The following SLC35F2 variants were observed in gnomAD, a reference collection of about 807,000 sequenced individuals.
SLC35F2 encodes queuine/queuosine transporter SLC35F2.
A neutral mutation model predicts 38.1 loss-of-function variants in SLC35F2; 25 were observed. The ratio of observed to expected loss-of-function variants is 0.66; its 90% CI spans 0.48 to 0.92. The LOEUF is 0.92. SLC35F2 is among the 40% of genes least tolerant of loss of function. The pLI is 0.00. For synonymous variants in SLC35F2, 173 were observed against 181.7 expected, an observed-to-expected ratio of 0.95 and a Z score of 0.38; for missense variants, 409 against 452.9, an observed-to-expected ratio of 0.90 and a Z score of 0.88.
chr11:107,848,882 G>T (rs1484578043), intron 1 of SLC35F2, among the ~76,000 whole-genome samples: 3 of 152,194 alleles, frequency 2.0e-5, no homozygotes, highest in Admixed American at 2.0e-4. Flanking sequence ...AACCACTAGG[G>T]TAGGTGATGG....
rs34376803 is a variant in SLC35F2 at position 107,833,518 on chromosome 11, C to CAAAA, written c.111-17557_111-17554dup. On this transcript the variant is annotated intron_variant, in intron 1 of 7. Transcript: ENST00000525815. The stretch of plus-strand genomic sequence containing the variant: ...TGGGCATCAGAGTGAGACTCTGTCT[C>CAAAA]AAAAAAAAAAAAAAAAAAAGGAGAG... Among the ~76,000 whole-genome samples, 244 of 89,528 alleles carry CAAAA rather than the reference C, an allele frequency of 2.7e-3. 3 individuals are homozygous for CAAAA. Among genetic ancestry groups the CAAAA allele is most frequent in the African/African-American group, 0.011 (226 of 20,562 alleles). The allele number at this position is 89,528 out of a possible 152,430, so 58.7% of individuals were successfully genotyped here. A position where few individuals can be genotyped will look rare whatever the true frequency, so the allele number is the denominator to read the frequency against.
chr11:107,809,329 C>CAAAAAAAAA (rs61511493), intron 3 of SLC35F2, among the ~76,000 whole-genome samples: 80 of 96,018 alleles, frequency 8.3e-4, no homozygotes, highest in Non-Finnish European at 1.2e-3. Context: ...ACTCAAAATA[C>CAAAAAAAAA]AAAAAAAAAA....
intron 1 of SLC35F2, among the ~76,000 whole-genome samples, chr11:107,849,305 C>A (rs370634909): frequency 6.6e-6 from 1 of 152,080 alleles, no homozygotes; most frequent in East Asian, 1.9e-4. Context: ...TTACAACAGT[C>A]TAAGTGAGAG....
At chr11:107,844,233 A>G (rs1470140785) in intron 1 of SLC35F2, among the ~76,000 whole-genome samples, 2 of 152,092 alleles carry the variant, frequency 1.3e-5, no homozygotes, top group African/African-American at 2.4e-5. Context: ...CTACTGTGTG[A>G]CTAACACTGT....
At chr11:107,809,513 T>A in intron 3 of SLC35F2, 1 of 168,562 alleles carries the variant, frequency 5.9e-6, no homozygotes, top group Non-Finnish European at 1.2e-5. Context: ...GTGCCTGTAA[T>A]CCCAGCTGCT....
At chr11:107,798,622 G>T (rs1457502066) in intron 7 of SLC35F2, among the ~76,000 whole-genome samples, 1 of 152,164 alleles carries the variant, frequency 6.6e-6, no homozygotes, top group Non-Finnish European at 1.5e-5. Context: ...ATTCACTCAA[G>T]ATCAATTTCA....
At chr11:107,802,662 T>A (rs1859328540) in intron 7 of SLC35F2, among the ~76,000 whole-genome samples, 1 of 152,256 alleles carries the variant, frequency 6.6e-6, no homozygotes, top group African/African-American at 2.4e-5. Flanking sequence ...AAGTTCCTAG[T>A]GCTCAGGTTA....
intron 1 of SLC35F2, among the ~76,000 whole-genome samples, chr11:107,853,301 A>G (rs1205446173): frequency 6.6e-6 from 1 of 152,122 alleles, no homozygotes; most frequent in African/African-American, 2.4e-5. Flanking sequence ...AGCACTTATC[A>G]TAACTTTTTA....
chr11:107,808,150 T>A (rs1306084798), intron 3 of SLC35F2, among the ~76,000 whole-genome samples: 2 of 152,192 alleles, frequency 1.3e-5, no homozygotes, highest in Non-Finnish European at 2.9e-5. Flanking sequence ...ACCATCTCCC[T>A]GACAAAGCGT....
chr11:107,853,422 TGAAA>T (rs1451658116), intron 1 of SLC35F2, among the ~76,000 whole-genome samples: 4 of 151,938 alleles, frequency 2.6e-5, no homozygotes, highest in African/African-American at 9.7e-5. Flanking sequence ...GCTTGGTGAA[TGAAA>T]GAATCAATGA....
intron 1 of SLC35F2, among the ~76,000 whole-genome samples, chr11:107,825,754 A>G (rs894635433): frequency 1.2e-4 from 19 of 152,308 alleles, no homozygotes; most frequent in African/African-American, 4.6e-4. Flanking sequence ...AAGGGTCTAC[A>G]GCAATGCTTC....
chr11:107,798,155 C>A (rs143491818), intron 7 of SLC35F2, among the ~76,000 whole-genome samples: 3,898 of 152,140 alleles, frequency 0.026, 76 homozygotes, highest in Non-Finnish European at 0.033. Flanking sequence ...AGGTGCCCGC[C>A]ATCATGCCCA....
chr11:107,821,179 G>A (rs670456), intron 1 of SLC35F2, among the ~76,000 whole-genome samples: 35,324 of 152,074 alleles, frequency 0.23, 5,155 homozygotes, highest in Non-Finnish European at 0.33. Context: ...GGACTTGAAA[G>A]CAATTATAAA....
At chr11:107,850,015 A>G (rs2134859536) in intron 1 of SLC35F2, among the ~76,000 whole-genome samples, 1 of 152,296 alleles carries the variant, frequency 6.6e-6, no homozygotes, top group African/African-American at 2.4e-5. Context: ...ACCCTCTCCA[A>G]GCTCCTTGGG....
chr11:107,806,258 A>T (rs561732200), intron 4 of SLC35F2, among the ~76,000 whole-genome samples: 22 of 152,348 alleles, frequency 1.4e-4, no homozygotes, highest in Non-Finnish European at 3.1e-4. Flanking sequence ...AGTTCATTGA[A>T]GGGGTAGGTC....
intron 1 of SLC35F2, among the ~76,000 whole-genome samples, chr11:107,819,129 T>C (rs747702731): frequency 6.6e-6 from 1 of 152,226 alleles, no homozygotes; most frequent in Non-Finnish European, 1.5e-5. Context: ...CCTACAAATA[T>C]AATGACTTTC....
chr11:107,802,962 AAGC>A, intron 7 of SLC35F2, 36 bp downstream of exon 7: 1 of 1,542,900 alleles, frequency 6.5e-7, no homozygotes. Flanking sequence ...TTTTGGATCC[AAGC>A]AAGTATTCTT....
intron 7 of SLC35F2, among the ~76,000 whole-genome samples, chr11:107,799,977 C>T (rs959981381): frequency 1.3e-5 from 2 of 151,884 alleles, no homozygotes; most frequent in Non-Finnish European, 2.9e-5. Flanking sequence ...CAAGCTCTGC[C>T]TCCCAGGTTC....
chr11:107,842,415 A>G (rs976534360), intron 1 of SLC35F2, among the ~76,000 whole-genome samples: 2 of 152,002 alleles, frequency 1.3e-5, no homozygotes, highest in African/African-American at 4.8e-5. Context: ...GTGCAGTAGC[A>G]TGATGTCAAC....
Sources: allele counts gnomAD v4.1 joint callset (sites outside exome capture counted in the v4.1 genomes callset), GRCh38; gene constraint gnomAD v4.1.1; transcripts MANE v1.5; gene names NCBI Gene and HGNC (gene_info 2026-07-23, HGNC 2026-07-21).